DNAI3: variants seen among roughly 807,000 people sequenced by gnomAD.
The protein encoded by DNAI3 is WD repeat domain 63.
Under a neutral mutation model 115.5 loss-of-function variants are expected in DNAI3, and 83 were observed. That is an observed-to-expected ratio of 0.72 (90% CI 0.60 to 0.86). The LOEUF (loss-of-function observed/expected upper bound fraction) is 0.86, where lower values mean the gene tolerates loss of function less well. DNAI3 is among the 40% of genes least tolerant of loss of function. The pLI, the probability that DNAI3 is intolerant of heterozygous loss-of-function variation, is 0.00. For missense variants in DNAI3, 1,004 were observed against 1,075.8 expected, an observed-to-expected ratio of 0.93 and a Z score of 0.93; for synonymous variants, 320 against 347.0, an observed-to-expected ratio of 0.92 and a Z score of 0.86.
chr1:85,077,949 A>G (rs1654512001), intron 3 of DNAI3, among the ~76,000 whole-genome samples: 1 of 152,150 alleles, frequency 6.6e-6, no homozygotes, highest in Non-Finnish European at 1.5e-5. Context: ...AGGATAATAT[A>G]TGTGTAACCT....
chr1:85,122,875 A>T (rs1417393654), intron 18 of DNAI3, among the ~76,000 whole-genome samples: 1 of 152,130 alleles, frequency 6.6e-6, no homozygotes, highest in Admixed American at 6.5e-5. Flanking sequence ...AATTAGGAGG[A>T]TTCAGTTCTG....
intron 10 of DNAI3, among the ~76,000 whole-genome samples, chr1:85,095,706 G>A (rs1229549843): frequency 6.6e-6 from 1 of 152,120 alleles, no homozygotes; most frequent in Non-Finnish European, 1.5e-5. Flanking sequence ...GAATACCTGG[G>A]TCCCCTTGAG....
chr1:85,125,018 C>T (rs369560887), intron 19 of DNAI3, among the ~76,000 whole-genome samples: 2 of 152,130 alleles, frequency 1.3e-5, no homozygotes, highest in East Asian at 1.9e-4. Context: ...CAGGGACATA[C>T]AGTAGTTAAA....
At chr1:85,096,228 T>A (rs1426474293) in intron 11 of DNAI3, among the ~76,000 whole-genome samples, 1 of 152,124 alleles carries the variant, frequency 6.6e-6, no homozygotes, top group Non-Finnish European at 1.5e-5. Flanking sequence ...TAACCCAGCT[T>A]CAAAACTGAA....
At chr1:85,112,838 C>T (rs1014210405) in intron 16 of DNAI3, among the ~76,000 whole-genome samples, 15 of 152,174 alleles carry the variant, frequency 9.9e-5, no homozygotes, top group East Asian at 5.8e-4. Flanking sequence ...AGCATGGTCT[C>T]GGCACACTGC....
intron 17 of DNAI3, among the ~76,000 whole-genome samples, chr1:85,119,842 C>T (rs541995513): frequency 4.2e-4 from 64 of 152,208 alleles, no homozygotes; most frequent in African/African-American, 1.5e-3. Context: ...GAATTACAGG[C>T]GTGTGCCACC....
chr1:85,068,257 A>G (rs1033695965), intron 1 of DNAI3, among the ~76,000 whole-genome samples: 1 of 151,986 alleles, frequency 6.6e-6, no homozygotes, highest in African/African-American at 2.4e-5. Context: ...CTTCAGTTGA[A>G]CTCCTGAACT....
chr1:85,086,134 AATG>A, intron 7 of DNAI3, 104 bp downstream of exon 7: 1 of 1,033,702 alleles, frequency 9.7e-7, no homozygotes, highest in Non-Finnish European at 1.4e-6. Flanking sequence ...GAAATGGATT[AATG>A]ATGATGACAC....
At chr1:85,110,764 A>G (rs183234007) in intron 16 of DNAI3, among the ~76,000 whole-genome samples, 66 of 152,318 alleles carry the variant, frequency 4.3e-4, no homozygotes, top group African/African-American at 1.4e-3. Context: ...ATGCTCAAAG[A>G]ATAATGCTAT....
chr1:85,115,426 T>C (rs527283426), intron 16 of DNAI3, among the ~76,000 whole-genome samples: 16 of 152,282 alleles, frequency 1.1e-4, no homozygotes, highest in Non-Finnish European at 2.2e-4. Context: ...AATGAAATGG[T>C]TCCTATAAAG....
intron 13 of DNAI3, among the ~76,000 whole-genome samples, chr1:85,102,109 G>A (rs547934978): frequency 7.3e-4 from 111 of 152,216 alleles, no homozygotes; most frequent in African/African-American, 2.6e-3. Context: ...TATACAGTTA[G>A]ATAGAAGAAA....
chr1:85,084,707 A>G lies in DNAI3; in HGVS notation c.540+12A>G, dbSNP rs1265898254. 2.0e-6 allele frequency: 3 copies of G among 1,472,640 alleles called. No individual in the cohort carries two copies. In the Admixed American group the frequency reaches 6.9e-5, roughly 34 times the overall value. The allele number at this position is 1,472,640 out of a possible 1,614,324, so 91.2% of individuals were successfully genotyped here. A position where few individuals can be genotyped will look rare whatever the true frequency, so the allele number is the denominator to read the frequency against. On this transcript the variant is annotated intron_variant, in intron 6 of 22. Transcript: ENST00000294664. Reference sequence around the variant, plus strand: ...AATCTACAAAGCAGGTTAGAGGGTTATATATGATCTGTAATCATTACCTCC... The same window carrying G: ...AATCTACAAAGCAGGTTAGAGGGTTGTATATGATCTGTAATCATTACCTCC...
intron 16 of DNAI3, among the ~76,000 whole-genome samples, chr1:85,115,586 A>G (rs1655791573): frequency 6.6e-6 from 1 of 152,218 alleles, no homozygotes; most frequent in Non-Finnish European, 1.5e-5. Context: ...CTGAATAAAC[A>G]TAGTTAATAA....
At chr1:85,065,180 A>T (rs1654056515) in intron 1 of DNAI3, among the ~76,000 whole-genome samples, 1 of 152,112 alleles carries the variant, frequency 6.6e-6, no homozygotes, top group Admixed American at 6.5e-5. Context: ...CGTAAGGAAG[A>T]ACCCAGTTAA....
chr1:85,088,917 C>T (rs1278166000), intron 7 of DNAI3, among the ~76,000 whole-genome samples: 1 of 151,738 alleles, frequency 6.6e-6, no homozygotes, highest in African/African-American at 2.4e-5. Context: ...TCTCTGGTTC[C>T]AATACTAATA....
Position 85,124,023 on chromosome 1 carries a change from A to T in DNAI3, c.1982-98A>T, listed in dbSNP as rs1250484716. The T allele has an allele frequency of 3.1e-5, 48 of 1,526,648 alleles. 1 individual carries two copies. The highest frequency in any genetic ancestry group is 4.2e-5 in the Non-Finnish European group (47 of 1,125,220). The allele number at this position is 1,526,648 out of a possible 1,614,324, so 94.6% of individuals were successfully genotyped here. A position where few individuals can be genotyped will look rare whatever the true frequency, so the allele number is the denominator to read the frequency against. ...GGTTCTCCACTCCCCGACCCCATTC[A>T]TGGGGCCCTGTCTGTCCATTGGAGG... On this transcript the variant is annotated intron_variant, in intron 18 of 22. Coordinates refer to ENST00000294664, the MANE Select transcript of DNAI3 (RefSeq NM_145172.5).
chr1:85,092,551 C>T (rs995154536), intron 8 of DNAI3, among the ~76,000 whole-genome samples: 2 of 151,986 alleles, frequency 1.3e-5, no homozygotes, highest in African/African-American at 2.4e-5. Context: ...GCAGAGCTTT[C>T]AGATCTAAGC....
Position 85,124,231 on chromosome 1 carries a change from A to G in DNAI3, c.2092A>G (p.Ile698Val), listed in dbSNP as rs148822204. 982 of 1,599,554 alleles carry G rather than the reference A, an allele frequency of 6.1e-4. 1 individual carries two copies. The highest frequency in any genetic ancestry group is 7.1e-4 in the Non-Finnish European group (839 of 1,175,180). The change falls in exon 19 of 23, where the codon ATA becomes GTA. Residue 698 changes from isoleucine (I) to valine (V), a missense_variant. This residue lies in a region of DNAI3 where 429 missense variants were observed against 454.3 expected (regional missense o/e 0.94). Transcript: ENST00000294664. The stretch of plus-strand genomic sequence containing the variant: ...CACGGTTGGAGGTTGGAACGTGGCC[A>G]TATGGAAAGAAGGTGTTATGGTAAG... Reference protein sequence around the residue: ...ILTVGGWNVAIWKEGVMTGPL... With the variant: ...ILTVGGWNVAVWKEGVMTGPL...
At chr1:85,108,724 G>C (rs77532175) in intron 15 of DNAI3, among the ~76,000 whole-genome samples, 7,896 of 152,230 alleles carry the variant, frequency 0.052, 275 homozygotes, top group East Asian at 0.15. Flanking sequence ...CACCCAGGTA[G>C]TGAACATAGT....
Sources: gnomAD v4.1 joint callset for allele counts (sites outside exome capture counted in the v4.1 genomes callset) on GRCh38, gnomAD v4.1.1 for gene constraint, gnomAD v4.1.1 regional missense constraint, MANE v1.5 for transcripts, NCBI Gene and HGNC (gene_info 2026-07-23, HGNC 2026-07-21) for gene names.